The following BAZ2A variants were observed in gnomAD, a reference collection of about 807,000 sequenced individuals.
BAZ2A encodes bromodomain adjacent to zinc finger domain 2A.
BAZ2A carries 34 observed loss-of-function variants against 199.9 expected under a neutral mutation model. The ratio of observed to expected loss-of-function variants is 0.17; its 90% CI spans 0.13 to 0.23. The LOEUF is 0.23. Among genes scored for constraint, BAZ2A ranks in the 10% least tolerant of loss-of-function variants. BAZ2A has a pLI of 1.00. For missense variants in BAZ2A, 2,002 were observed against 2,391.1 expected (o/e 0.84, Z 3.39); for synonymous variants, 857 against 883.9 (o/e 0.97, Z 0.54).
chr12:56,607,952 T>C (rs1266792766), intron 10 of BAZ2A, among the ~76,000 whole-genome samples: 1 of 151,792 alleles, frequency 6.6e-6, no homozygotes, highest in African/African-American at 2.4e-5. Flanking sequence ...TGGTGGCATA[T>C]GCCTGTAATC....
upstream of BAZ2A, chr12:56,636,500 TG>T: frequency 3.2e-6 from 2 of 621,832 alleles, no homozygotes; most frequent in Non-Finnish European, 4.6e-6. Context: ...GACACTCCAG[TG>T]GCATGGTAGA....
Position 56,614,224 on chromosome 12 carries a change from G to C in BAZ2A, c.731-86C>G, listed in dbSNP as rs147672670. The stretch of plus-strand genomic sequence containing the variant: ...TATACTAGGCAGTCAATCTTTGCTA[G>C]AAGGATGTTCATTCATTCAACATTT... On this transcript the variant is annotated intron_variant, in intron 3 of 28. Transcript: ENST00000549884. 2.1e-4 allele frequency: 278 copies of C among 1,349,662 alleles called. No individual in the cohort carries two copies. In the African/African-American group the frequency reaches 2.3e-3, roughly 11 times the overall value. The allele number at this position is 1,349,662 out of a possible 1,614,324, so 83.6% of individuals were successfully genotyped here.
chr12:56,631,692 G>A (rs1433893071), upstream of BAZ2A, among the ~76,000 whole-genome samples: 1 of 152,166 alleles, frequency 6.6e-6, no homozygotes, highest in Non-Finnish European at 1.5e-5. Flanking sequence ...AGCTCAGGCT[G>A]CTGAATATTC....
chr12:56,620,904 G>A (rs1426380404), intron 1 of BAZ2A, among the ~76,000 whole-genome samples: 1 of 152,092 alleles, frequency 6.6e-6, no homozygotes, highest in African/African-American at 2.4e-5. Context: ...CAGCAGTAGG[G>A]GGTCTGAAAG....
upstream of BAZ2A, among the ~76,000 whole-genome samples, chr12:56,631,384 G>T (rs1000446712): frequency 6.6e-6 from 1 of 150,826 alleles, no homozygotes; most frequent in Non-Finnish European, 1.5e-5. Context: ...CTGGGAGGTG[G>T]AGGTTGCAGT....
chr12:56,637,676 TAA>T (rs1951479368), upstream of BAZ2A, among the ~76,000 whole-genome samples: 1 of 151,304 alleles, frequency 6.6e-6, no homozygotes, highest in South Asian at 2.1e-4. Context: ...CCCCTGGAAA[TAA>T]GTTATTTCTA....
In BAZ2A at chr12:56,611,641, G is replaced by A; in HGVS notation, c.1610-8C>T. The A allele has an allele frequency of 6.3e-7, 1 of 1,597,800 alleles. No individual in the cohort carries two copies. The highest frequency in any genetic ancestry group is 8.5e-7 in the Non-Finnish European group (1 of 1,174,646). ...GTCTCCTCATGACATCACCTTGGGA[G>A]GAAGGGATACCCAAGTTAAGAGTTC... On this transcript the variant is annotated splice_polypyrimidine_tract_variant and splice_region_variant and intron_variant, in intron 6 of 28. Coordinates refer to ENST00000549884, the MANE Select transcript of BAZ2A (RefSeq NM_001300905.2).
chr12:56,630,244 G>T lies in BAZ2A; in HGVS notation c.-122C>A. ...GACGCCCGCTGGGGAGGGGGTCTGG[G>T]GTCCGGGGTTCGGGAAGGGGGAGGG... On this transcript the variant is annotated 5_prime_UTR_variant, in exon 1 of 29. Transcript: ENST00000549884. 1 of 984,190 alleles carries T rather than the reference G, an allele frequency of 1.0e-6. No individual in the cohort carries two copies. Among genetic ancestry groups the T allele is most frequent in the South Asian group, 4.7e-5 (1 of 21,280 alleles). The allele number at this position is 984,190 out of a possible 1,614,324, so 61.0% of individuals were successfully genotyped here. A position where few individuals can be genotyped will look rare whatever the true frequency, so the allele number is the denominator to read the frequency against.
intron 10 of BAZ2A, 22 bp from the exon 11 acceptor site, chr12:56,606,755 T>G: frequency 1.3e-6 from 2 of 1,599,080 alleles, no homozygotes; most frequent in Non-Finnish European, 1.7e-6. Flanking sequence ...GAAAGAAAAA[T>G]GAAACAAGTG....
In BAZ2A at chr12:56,598,495, C is replaced by A. The variant is rs1449558985; in HGVS notation, c.*123G>T. ...TGTGGGGCACTGCCAAGGGCAAGGTCAAAAATCAGGGTTGTATCTGACTTG... is the reference window on the plus strand; with the variant it reads ...TGTGGGGCACTGCCAAGGGCAAGGTAAAAAATCAGGGTTGTATCTGACTTG... On this transcript the variant is annotated 3_prime_UTR_variant, in exon 29 of 29. Transcript: ENST00000549884. 3 of 1,312,652 alleles carry A rather than the reference C, an allele frequency of 2.3e-6. No homozygotes were observed. The highest frequency in any genetic ancestry group is 2.4e-5 in the Admixed American group (1 of 40,888). The allele number at this position is 1,312,652 out of a possible 1,614,324, so 81.3% of individuals were successfully genotyped here.
chr12:56,611,454 ATCTAC>A, intron 7 of BAZ2A, 114 bp downstream of exon 7: 1 of 992,450 alleles, frequency 1.0e-6, no homozygotes, highest in Non-Finnish European at 1.6e-6. Context: ...CTGTCCTGTA[ATCTAC>A]TCTTGTCTGG....
At position 56,599,705 on chromosome 12, in the gene BAZ2A, A is replaced by G. The variant is rs1235619386; in HGVS notation, c.5169T>C (p.Ala1723=). The G allele has an allele frequency of 1.9e-6, 3 of 1,613,392 alleles. No homozygotes were observed. Among genetic ancestry groups the G allele is most frequent in the Non-Finnish European group, 2.5e-6 (3 of 1,179,906 alleles). The change falls in exon 26 of 29, where the codon GCT becomes GCC. Residue 1723 remains alanine (A), a synonymous_variant. Coordinates refer to ENST00000549884, the MANE Select transcript of BAZ2A (RefSeq NM_001300905.2). ...AAAGAAAGAGCAGAAGCCTTACCTG[A>G]GCCAAACAGACAGTACAGAACCAAT... The part of the protein sequence containing the change: ...EGDWFCTVCL[A]QQVEGEFTQK...
In BAZ2A at chr12:56,603,568, CTCT is replaced by C; in HGVS notation, c.3168_3170del (p.Glu1058del). The C allele has an allele frequency of 1.2e-6, 2 of 1,613,980 alleles. No homozygotes were observed. Among genetic ancestry groups the C allele is most frequent in the Non-Finnish European group, 1.7e-6 (2 of 1,179,852 alleles). ...GGCCAGGGACAGCTGCTATAGACTC[CTCT>C]TCTTCCTCTTCTTCCATGCCACTGG... is the stretch of plus-strand genomic sequence containing the variant. On this transcript the variant is annotated inframe_deletion, in exon 17 of 29. Coordinates refer to ENST00000549884, the MANE Select transcript of BAZ2A (RefSeq NM_001300905.2).
upstream of BAZ2A, among the ~76,000 whole-genome samples, chr12:56,631,871 C>T (rs1033778127): frequency 6.6e-6 from 1 of 152,094 alleles, no homozygotes; most frequent in African/African-American, 2.4e-5. Context: ...GGGGTGGGCT[C>T]TTCCTGAATT....
In BAZ2A at chr12:56,600,287, C is replaced by A; in HGVS notation, c.4806G>T (p.Glu1602Asp). The change falls in exon 24 of 29, where the codon GAG becomes GAT. Residue 1602 changes from glutamate to aspartate, a missense_variant. Physicochemically the swap from Glu to Asp is conservative, Grantham distance 45. Around this residue, in one of 6 missense-constraint regions of BAZ2A, gnomAD observed 1,081 missense variants for 1,274.7 expected, o/e 0.85. Coordinates refer to ENST00000549884, the MANE Select transcript of BAZ2A (RefSeq NM_001300905.2). ...CAACCTCATGAGTTGGCCAGAGGGG[C>A]TCCCGCAGGTACCGCCGTTCTACAT... The part of the protein sequence containing the change: ...EQNVERRYLR[E>D]PLWPTHEVVL... The A allele has an allele frequency of 6.2e-7, 1 of 1,613,994 alleles. No individual in the cohort carries two copies. Among genetic ancestry groups the A allele is most frequent in the Non-Finnish European group, 8.5e-7 (1 of 1,179,898 alleles).
intron 15 of BAZ2A, 111 bp from the exon 16 acceptor site, chr12:56,604,402 G>T: frequency 7.5e-7 from 1 of 1,338,904 alleles, no homozygotes; most frequent in Non-Finnish European, 1.0e-6. Flanking sequence ...AACCCAGATT[G>T]GGTGAATGGC....
In BAZ2A at chr12:56,605,333, G is replaced by A. The variant is rs1950308213; in HGVS notation, c.2494-6C>T. 1 of 1,603,288 alleles carries A rather than the reference G, an allele frequency of 6.2e-7. No homozygotes were observed. The highest frequency in any genetic ancestry group is 8.5e-7 in the Non-Finnish European group (1 of 1,172,204). ...CGTGAGAAGTCAGGCAGGGGCTAGA[G>A]AGAGAAAAGTGAGTAGAGAGTTCTG... On this transcript the variant is annotated splice_region_variant and splice_polypyrimidine_tract_variant and intron_variant, in intron 13 of 28. Transcript: ENST00000549884.
In BAZ2A at chr12:56,600,037, C is replaced by T; in HGVS notation, c.4952G>A (p.Ser1651Asn). The change falls in exon 25 of 29, where the codon AGC becomes AAC. Residue 1651 changes from serine (S) to asparagine (N), a missense_variant. Transcript: ENST00000549884. ...VWRQTLERCR[S>N]AAQVCLCLGQ... ...CAGGCACAAGCACACCTGGGCTGCG[C>T]TCCGGCACCGCTCGAGGGTCTGGCG... is the stretch of plus-strand genomic sequence containing the variant. 2.5e-6 allele frequency: 4 copies of T among 1,614,070 alleles called. No homozygotes were observed. Among genetic ancestry groups the T allele is most frequent in the South Asian group, 1.1e-5 (1 of 91,092 alleles).
intron 11 of BAZ2A, 158 bp downstream of exon 11, chr12:56,606,475 T>C (rs762453313): frequency 3.0e-5 from 36 of 1,191,320 alleles, no homozygotes; most frequent in Middle Eastern, 3.9e-4. Context: ...CACGTTATTT[T>C]TGAACAAACC....
Sources: gnomAD v4.1 joint callset for allele counts (sites outside exome capture counted in the v4.1 genomes callset) on GRCh38, gnomAD v4.1.1 for gene constraint, gnomAD v4.1.1 regional missense constraint, MANE v1.5 for transcripts, NCBI Gene and HGNC (gene_info 2026-07-23, HGNC 2026-07-21) for gene names.